DCC: variants seen among roughly 807,000 people sequenced by gnomAD.
DCC encodes the protein DCC netrin 1 receptor, also known as netrin receptor DCC.
In DCC, 58 loss-of-function variants were observed where a neutral mutation model predicts 172.5. That is an observed-to-expected ratio of 0.34 (90% CI 0.27 to 0.42). The LOEUF (loss-of-function observed/expected upper bound fraction) is 0.42. DCC is among the 10% of genes least tolerant of loss of function. The pLI is 1.00. For synonymous variants in DCC, 709 were observed against 644.5 expected (o/e 1.10, Z -1.52); for missense variants, 1,740 against 1,791.0 (o/e 0.97, Z 0.51).
At position 52,795,380 on chromosome 18, in the gene DCC, C is replaced by T. The variant is rs9945852; in HGVS notation, c.412+43006C>T. ...GGTTGTATGCGTTTAGGAATGTTTCCTCTAGATTTTCTAATTTGTTTGCAT... is the reference window on the plus strand; with the variant it reads ...GGTTGTATGCGTTTAGGAATGTTTCTTCTAGATTTTCTAATTTGTTTGCAT... On this transcript the variant is annotated intron_variant, in intron 2 of 28. Transcript: ENST00000442544. Among the ~76,000 whole-genome samples, 780 of 151,936 alleles carry T rather than the reference C, an allele frequency of 5.1e-3. 6 individuals carry two copies. Among genetic ancestry groups the T allele is most frequent in the African/African-American group, 0.017 (718 of 41,520 alleles).
chr18:52,451,587 C>G (rs112125756), intron 1 of DCC, among the ~76,000 whole-genome samples: 67 of 152,214 alleles, frequency 4.4e-4, no homozygotes, highest in African/African-American at 1.5e-3. Flanking sequence ...AGTTTATAAT[C>G]CACTTCAGTG....
At position 53,350,078 on chromosome 18, in the gene DCC, A is replaced by G. The variant is rs544982335; in HGVS notation, c.2359+10171A>G. ...CATTTACAATTCATGAGAATCAGAA[A>G]AAAAACAGATTATATATAAATATAC... On this transcript the variant is annotated intron_variant, in intron 15 of 28. Coordinates refer to ENST00000442544, the MANE Select transcript of DCC (RefSeq NM_005215.4). 5.9e-5 allele frequency among the ~76,000 whole-genome samples: 9 copies of G among 152,348 alleles called. No homozygotes were observed. The East Asian group carries it at 1.4e-3, about 23-fold the overall frequency.
intron 1 of DCC, among the ~76,000 whole-genome samples, chr18:52,604,120 T>C (rs1030332616): frequency 2.0e-5 from 3 of 152,080 alleles, no homozygotes; most frequent in Non-Finnish European, 2.9e-5. Flanking sequence ...CACTGCTAGA[T>C]TAATTTTATT....
intron 1 of DCC, among the ~76,000 whole-genome samples, chr18:52,678,803 C>G (rs1369809717): frequency 2.0e-5 from 3 of 152,080 alleles, no homozygotes; most frequent in Non-Finnish European, 2.9e-5. Context: ...CTTTCTGTTT[C>G]CACCCTAAGA....
At chr18:53,435,077 T>A (rs1911849961) in intron 21 of DCC, 67 bp from the exon 22 acceptor site, 30 of 1,201,678 alleles carry the variant, frequency 2.5e-5, no homozygotes, top group Non-Finnish European at 3.7e-5. Flanking sequence ...TGTTAAAATA[T>A]TTATTCTTTT....
intron 13 of DCC, among the ~76,000 whole-genome samples, chr18:53,316,669 T>C (rs926379275): frequency 6.6e-6 from 1 of 152,214 alleles, no homozygotes; most frequent in Non-Finnish European, 1.5e-5. Flanking sequence ...GAAGACACCC[T>C]TCACATCCCT....
At chr18:53,254,072 G>T (rs1231436899) in intron 12 of DCC, among the ~76,000 whole-genome samples, 2 of 151,996 alleles carry the variant, frequency 1.3e-5, no homozygotes, top group African/African-American at 2.4e-5. Context: ...AAGCTAATGA[G>T]CCAAGGGATG....
chr18:52,546,038 T>A (rs894757722), intron 1 of DCC, among the ~76,000 whole-genome samples: 1 of 152,210 alleles, frequency 6.6e-6, no homozygotes, highest in African/African-American at 2.4e-5. Flanking sequence ...TGGAATACTA[T>A]TTTAGGTCCT....
At chr18:53,381,733 T>C (rs554014377) in intron 15 of DCC, among the ~76,000 whole-genome samples, 1 of 152,126 alleles carries the variant, frequency 6.6e-6, no homozygotes, top group Non-Finnish European at 1.5e-5. Context: ...TATAGACTAA[T>C]GACCACAGGC....
At chr18:52,409,404 A>G (rs963922777) in intron 1 of DCC, 3 of 152,148 alleles carry the variant, frequency 2.0e-5, no homozygotes, top group Admixed American at 6.6e-5. Context: ...ATTGAACCAT[A>G]TGAAATTGCT....
intron 12 of DCC, among the ~76,000 whole-genome samples, chr18:53,229,147 C>T (rs764805182): frequency 1.3e-5 from 2 of 152,022 alleles, no homozygotes; most frequent in Non-Finnish European, 2.9e-5. Context: ...ATAATAAAGT[C>T]TAATTAAATA....
At chr18:52,431,964 C>A (rs1987639591) in intron 1 of DCC, among the ~76,000 whole-genome samples, 1 of 152,152 alleles carries the variant, frequency 6.6e-6, no homozygotes. Context: ...AACCCAAGAG[C>A]ATTTCAGTAA....
chr18:53,241,906 G>T (rs2056300246), intron 12 of DCC, among the ~76,000 whole-genome samples: 1 of 152,134 alleles, frequency 6.6e-6, no homozygotes, highest in Non-Finnish European at 1.5e-5. Flanking sequence ...TAGTCCTATA[G>T]ATCTCCAGTA....
At chr18:52,966,736 C>A (rs1226588263) in intron 5 of DCC, among the ~76,000 whole-genome samples, 1 of 152,148 alleles carries the variant, frequency 6.6e-6, no homozygotes, top group Non-Finnish European at 1.5e-5. Context: ...ACTGTTTCTC[C>A]CTTTGCCCCT....
At chr18:52,736,541 G>A (rs141837777) in intron 1 of DCC, among the ~76,000 whole-genome samples, 1 of 151,958 alleles carries the variant, frequency 6.6e-6, no homozygotes, top group African/African-American at 2.4e-5. Flanking sequence ...TTTTTGAACT[G>A]CAGAGAAAAA....
At chr18:52,686,667 T>C (rs943316880) in intron 1 of DCC, among the ~76,000 whole-genome samples, 5 of 152,094 alleles carry the variant, frequency 3.3e-5, no homozygotes, top group Non-Finnish European at 5.9e-5. Context: ...TGCAAAAGTT[T>C]CTTGAGGAGC....
intron 1 of DCC, among the ~76,000 whole-genome samples, chr18:52,730,384 A>G (rs1342151632): frequency 6.6e-6 from 1 of 152,196 alleles, no homozygotes; most frequent in East Asian, 1.9e-4. Context: ...GCCTAGGTGC[A>G]TGAACTTTGA....
At chr18:53,065,664 A>G (rs907700382) in intron 6 of DCC, among the ~76,000 whole-genome samples, 1 of 152,114 alleles carries the variant, frequency 6.6e-6, no homozygotes, top group Non-Finnish European at 1.5e-5. Flanking sequence ...TTTCCTGAGC[A>G]GCTACTAAAC....
intron 1 of DCC, among the ~76,000 whole-genome samples, chr18:52,518,350 C>A (rs909903570): frequency 6.6e-6 from 1 of 152,092 alleles, no homozygotes; most frequent in South Asian, 2.1e-4. Flanking sequence ...AGAGTTTGGA[C>A]CTTGCAAGTT....
Sources: gnomAD v4.1 joint callset for allele counts (sites outside exome capture counted in the v4.1 genomes callset) on GRCh38, gnomAD v4.1.1 for gene constraint, MANE v1.5 for transcripts, NCBI Gene and HGNC (gene_info 2026-07-23, HGNC 2026-07-21) for gene names.